The following GNA11 variants were observed in gnomAD, a reference collection of about 807,000 sequenced individuals.
GNA11 encodes guanine nucleotide-binding protein subunit alpha-11.
In GNA11, 8 loss-of-function variants were observed where a neutral mutation model predicts 38.2. That is an observed-to-expected ratio of 0.21 (90% CI 0.12 to 0.38). GNA11 has a LOEUF of 0.38. Ranked by LOEUF, GNA11 falls within the 10% of genes least tolerant of loss-of-function variation. The pLI, the probability that GNA11 is intolerant of heterozygous loss-of-function variation, is 1.00. For synonymous variants in GNA11, 211 were observed against 221.4 expected (o/e 0.95, Z 0.42); for missense variants, 268 against 516.3 (o/e 0.52, Z 4.66).
intron 4 of GNA11, chr19:3,118,596 G>T: frequency 3.3e-6 from 1 of 305,990 alleles, no homozygotes; most frequent in Admixed American, 4.6e-5. Flanking sequence ...GCCAGATGTA[G>T]GGTCCCTGGG....
At chr19:3,116,107 T>G (rs1018984360) in intron 4 of GNA11, among the ~76,000 whole-genome samples, 30 of 151,958 alleles carry the variant, frequency 2.0e-4, no homozygotes, top group African/African-American at 6.5e-4. Context: ...GGGCTCCAGG[T>G]CCACTGTGGC....
At position 3,110,458 on chromosome 19, in the gene GNA11, T is replaced by C. The variant is rs1913746139; in HGVS notation, c.321+125T>C. 4.3e-6 allele frequency: 3 copies of C among 697,166 alleles called. No individual in the cohort carries two copies. Among genetic ancestry groups the C allele is most frequent in the Non-Finnish European group, 7.2e-6 (3 of 414,898 alleles). 43.2% of individuals were successfully genotyped at this position (697,166 alleles called of 1,614,324 possible). On this transcript the variant is annotated intron_variant, in intron 2 of 6. Transcript: ENST00000078429. The surrounding 1 kb of genome is among the most constrained non-coding windows in gnomAD (Gnocchi z 5.4). Reference sequence around the variant, plus strand: ...CCCGGCCGGCCCAGGCTACCCCTGGTCATCCATCCGTTCCTGTCATGGACA... The same window carrying C: ...CCCGGCCGGCCCAGGCTACCCCTGGCCATCCATCCGTTCCTGTCATGGACA...
intron 1 of GNA11, among the ~76,000 whole-genome samples, chr19:3,105,180 T>C (rs559983673): frequency 1.3e-5 from 2 of 152,200 alleles, no homozygotes. Context: ...AGGCAGCATC[T>C]GTCCTGCAGG....
At chr19:3,118,559 C>A (rs1194618007) in intron 4 of GNA11, 1 of 236,260 alleles carries the variant, frequency 4.2e-6, no homozygotes, top group African/African-American at 2.2e-5. Context: ...AGGGGAAAGG[C>A]TTCTGTGCTC....
intron 1 of GNA11, among the ~76,000 whole-genome samples, chr19:3,096,905 G>C (rs999266980): frequency 1.3e-5 from 2 of 152,194 alleles, no homozygotes; most frequent in African/African-American, 2.4e-5. Context: ...CACACCCAAG[G>C]TGTTGGAGCC....
intron 3 of GNA11, among the ~76,000 whole-genome samples, 158 bp from the exon 4 acceptor site, chr19:3,114,786 G>C (rs570433810): frequency 1.5e-4 from 23 of 152,286 alleles, no homozygotes; most frequent in Admixed American, 6.5e-4. Flanking sequence ...CCATTGGCCC[G>C]AGCCCTCCGG....
Position 3,123,630 on chromosome 19 carries a change from G to C in GNA11, c.*2451G>C. ...CCCGGCCACTGCAAACCCATGCCCT[G>C]GGTCCCCCGGCTCCCCCAGGGAGGC... On this transcript the variant is annotated 3_prime_UTR_variant, in exon 7 of 7. Coordinates refer to ENST00000078429, the MANE Select transcript of GNA11 (RefSeq NM_002067.5). 4.3e-6 allele frequency: 1 copy of C among 233,086 alleles called. No homozygotes were observed. Among genetic ancestry groups the C allele is most frequent in the East Asian group, 6.0e-5 (1 of 16,546 alleles). The allele number at this position is 233,086 out of a possible 1,614,324, so 14.4% of individuals were successfully genotyped here. A position where few individuals can be genotyped will look rare whatever the true frequency, so the allele number is the denominator to read the frequency against.
intron 4 of GNA11, among the ~76,000 whole-genome samples, chr19:3,116,021 G>C (rs1913911498): frequency 6.6e-6 from 1 of 151,682 alleles, no homozygotes; most frequent in South Asian, 2.1e-4. Flanking sequence ...GCTCCAGGCT[G>C]GGGTGGAGGA....
In GNA11 at chr19:3,110,133, G is replaced by A. The variant is rs745912473; in HGVS notation, c.137-16G>A. On this transcript the variant is annotated splice_polypyrimidine_tract_variant and intron_variant, in intron 1 of 6. Transcript: ENST00000078429. This position sits in a 1 kb window ranked among gnomAD's most constrained non-coding sequence, Gnocchi z 5.4. ...GGCCCCGGCTGCCGCCCGCCCTCAC[G>A]TGCCCCGTCCCCCAGGCACGGGCGA... The A allele has an allele frequency of 7.2e-5, 114 of 1,584,438 alleles. No individual in the cohort carries two copies. Among genetic ancestry groups the A allele is most frequent in the Middle Eastern group, 4.0e-4 (2 of 5,054 alleles).
At chr19:3,113,717 C>G (rs886073438) in intron 3 of GNA11, among the ~76,000 whole-genome samples, 3 of 152,204 alleles carry the variant, frequency 2.0e-5, no homozygotes, top group African/African-American at 7.2e-5. Flanking sequence ...TGCTTGTATG[C>G]CTGGCCCTGC....
Position 3,122,186 on chromosome 19 carries a change from C to T in GNA11, c.*1007C>T, listed in dbSNP as rs947114308. 1 of 233,088 alleles carries T rather than the reference C, an allele frequency of 4.3e-6. No individual in the cohort carries two copies. The highest frequency in any genetic ancestry group is 2.2e-5 in the African/African-American group (1 of 45,320). The allele number at this position is 233,088 out of a possible 1,614,324, so 14.4% of individuals were successfully genotyped here. On this transcript the variant is annotated 3_prime_UTR_variant, in exon 7 of 7. Coordinates refer to ENST00000078429, the MANE Select transcript of GNA11 (RefSeq NM_002067.5). The surrounding 1 kb of genome is among the most constrained non-coding windows in gnomAD (Gnocchi z 7.7). ...GTTTTGTTCCGCTTTGTGATGTCAC[C>T]AATTTGGAAACAGCGAGGGTGGGTG...
At chr19:3,104,398 C>T (rs1434924108) in intron 1 of GNA11, among the ~76,000 whole-genome samples, 1 of 152,164 alleles carries the variant, frequency 6.6e-6, no homozygotes. Flanking sequence ...GATGTACCTC[C>T]TGCAGGCTCC....
rs1221756157 is a variant in GNA11 at position 3,097,667 on chromosome 19, TG to T, written c.136+2887del. ...GACATTCCGTGCCCCGTTTTCGGGGTGGGGGGGACCTTACGGAGCCCTAGAG... is the reference window on the plus strand; with the variant it reads ...GACATTCCGTGCCCCGTTTTCGGGGTGGGGGGACCTTACGGAGCCCTAGAG... On this transcript the variant is annotated intron_variant, in intron 1 of 6. Transcript: ENST00000078429. Among the ~76,000 whole-genome samples, 8 of 152,130 alleles carry T rather than the reference TG, an allele frequency of 5.3e-5. No individual in the cohort carries two copies. In the East Asian group the frequency reaches 1.4e-3, roughly 26 times the overall value.
rs564183729 is a variant in GNA11, at chr19:3,111,806, C to T, written c.321+1473C>T. ...GCAGCCGTGCAGCCGTGGCTCCTGC[C>T]AGTGGCCTCCCTGGGGCCTTTCAGC... On this transcript the variant is annotated intron_variant, in intron 2 of 6. Transcript: ENST00000078429. 5.0e-4 allele frequency among the ~76,000 whole-genome samples: 76 copies of T among 152,354 alleles called. 1 individual carries two copies. Among genetic ancestry groups the T allele is most frequent in the Admixed American group, 5.0e-3 (76 of 15,314 alleles).
chr19:3,111,457 C>T (rs1412668834), intron 2 of GNA11, among the ~76,000 whole-genome samples: 3 of 152,196 alleles, frequency 2.0e-5, no homozygotes, highest in African/African-American at 4.8e-5. Context: ...CTGAGTGTGA[C>T]GTCCTCAAGG....
At chr19:3,096,146 C>G (rs1913358138) in intron 1 of GNA11, among the ~76,000 whole-genome samples, 1 of 152,110 alleles carries the variant, frequency 6.6e-6, no homozygotes, top group Non-Finnish European at 1.5e-5. Flanking sequence ...AACACGTTGC[C>G]TCTCCTGCCG....
At chr19:3,107,559 A>C (rs1458727944) in intron 1 of GNA11, among the ~76,000 whole-genome samples, 2 of 152,056 alleles carry the variant, frequency 1.3e-5, no homozygotes, top group Non-Finnish European at 2.9e-5. Context: ...AGTGTGTGTG[A>C]GTGTTTGCTG....
intron 1 of GNA11, among the ~76,000 whole-genome samples, chr19:3,097,121 C>T (rs1462530386): frequency 6.6e-6 from 1 of 152,156 alleles, no homozygotes; most frequent in Non-Finnish European, 1.5e-5. Context: ...AGTAGGCCAG[C>T]CCCGAGCTTG....
chr19:3,100,210 T>C (rs1384956641), intron 1 of GNA11, among the ~76,000 whole-genome samples: 1 of 152,194 alleles, frequency 6.6e-6, no homozygotes, highest in Non-Finnish European at 1.5e-5. Context: ...TGGATCGTTC[T>C]CTGGGGTGGA....
Sources: gnomAD v4.1 joint callset for allele counts (sites outside exome capture counted in the v4.1 genomes callset) on GRCh38, gnomAD v4.1.1 for gene constraint, Gnocchi (gnomAD v3.1) non-coding constraint, MANE v1.5 for transcripts, NCBI Gene and HGNC (gene_info 2026-07-23, HGNC 2026-07-21) for gene names.